The following BABAM2 variants were observed in gnomAD, a reference collection of about 807,000 sequenced individuals.
The protein encoded by BABAM2 is BRISC and BRCA1 A complex member 2, also known as BRISC and BRCA1-A complex member 2.
Under a neutral mutation model 54.7 loss-of-function variants are expected in BABAM2, and 31 were observed. The ratio of observed to expected loss-of-function variants is 0.57; its 90% CI spans 0.43 to 0.77. BABAM2 has a LOEUF of 0.77. Ranked by LOEUF, BABAM2 falls within the 30% of genes least tolerant of loss-of-function variation. The pLI, the probability that BABAM2 is intolerant of heterozygous loss-of-function variation, is 0.00. For missense variants in BABAM2, 364 were observed against 455.8 expected (o/e 0.80, Z 1.83); for synonymous variants, 167 against 162.9 (o/e 1.03, Z -0.19).
At position 28,237,189 on chromosome 2, in the gene BABAM2, C is replaced by A. The variant is rs768139109; in HGVS notation, c.681-13C>A. On this transcript the variant is annotated splice_polypyrimidine_tract_variant and intron_variant, in intron 7 of 11. Coordinates refer to ENST00000379624, the MANE Select transcript of BABAM2 (RefSeq NM_199191.3). ...CCCTAAGAGAAGTGTCCATTGTACTCTTGTCCTTTCAGTGCACTTGGAGGC... is the reference window on the plus strand; with the variant it reads ...CCCTAAGAGAAGTGTCCATTGTACTATTGTCCTTTCAGTGCACTTGGAGGC... 30 of 1,607,092 alleles carry A rather than the reference C, an allele frequency of 1.9e-5. No homozygotes were observed. The highest frequency in any genetic ancestry group is 2.3e-5 in the Non-Finnish European group (27 of 1,173,728).
rs115658256 is a variant in BABAM2 at position 28,289,341 on chromosome 2, A to G, written c.935-8997A>G. Among the ~76,000 whole-genome samples, 438 of 152,334 alleles carry G rather than the reference A, an allele frequency of 2.9e-3. 2 individuals carry two copies. Among genetic ancestry groups the G allele is most frequent in the African/African-American group, 9.8e-3 (409 of 41,562 alleles). ...ATCATACTGATTTCTGCGTCTGTGA[A>G]TATTAATGTCTTACTTTTTTAAACT... On this transcript the variant is annotated intron_variant, in intron 10 of 11. Coordinates refer to ENST00000379624, the MANE Select transcript of BABAM2 (RefSeq NM_199191.3).
chr2:28,148,975 T>C (rs771406884), intron 7 of BABAM2, among the ~76,000 whole-genome samples: 2 of 152,166 alleles, frequency 1.3e-5, no homozygotes, highest in Non-Finnish European at 2.9e-5. Flanking sequence ...AAACTGGGTG[T>C]GGGGCTTGTC....
Position 28,124,371 on chromosome 2 carries a change from T to G in BABAM2, c.571-4900T>G, listed in dbSNP as rs1215299785. Among the ~76,000 whole-genome samples the G allele has an allele frequency of 2.0e-5, 3 of 152,192 alleles. No homozygotes were observed. In the South Asian group the frequency reaches 6.2e-4, roughly 31 times the overall value. On this transcript the variant is annotated intron_variant, in intron 6 of 11. Transcript: ENST00000379624. ...TGAGTGTTTTTTACAATTTTCATTCTCATTTTACAGAAAAGAAAGTTCAAG... is the reference window on the plus strand; with the variant it reads ...TGAGTGTTTTTTACAATTTTCATTCGCATTTTACAGAAAAGAAAGTTCAAG...
rs149565616 is a variant in BABAM2 at position 28,307,877 on chromosome 2, T to C, written c.1088+9386T>C. ...CATCAGAGTGACCATATCCAGCCTA[T>C]AGGCAGAGGACATTGAAATTGGCAG... is the stretch of plus-strand genomic sequence containing the variant. On this transcript the variant is annotated intron_variant, in intron 11 of 11. Coordinates refer to ENST00000379624, the MANE Select transcript of BABAM2 (RefSeq NM_199191.3). The C allele has an allele frequency of 3.3e-5, 5 of 152,248 alleles. No homozygotes were observed. In the East Asian group the frequency reaches 9.7e-4, roughly 29 times the overall value. The allele number at this position is 152,248 out of a possible 1,614,324, so 9.4% of individuals were successfully genotyped here. A position where few individuals can be genotyped will look rare whatever the true frequency, so the allele number is the denominator to read the frequency against.
chr2:28,256,693 C>CTTTT lies in BABAM2; in HGVS notation c.934+11847_934+11850dup, dbSNP rs34881415. 1.8e-4 allele frequency among the ~76,000 whole-genome samples: 22 copies of CTTTT among 122,794 alleles called. 1 individual carries two copies. The highest frequency in any genetic ancestry group is 4.6e-4 in the East Asian group (2 of 4,360). 80.6% of individuals were successfully genotyped at this position (122,794 alleles called of 152,430 possible). On this transcript the variant is annotated intron_variant, in intron 10 of 11. Coordinates refer to ENST00000379624, the MANE Select transcript of BABAM2 (RefSeq NM_199191.3). ...TTTCATATGTTTGGATGGCTCACTTCTTTTTTTTTTTTTTTTTTTGAGATG... is the reference window on the plus strand; with the variant it reads ...TTTCATATGTTTGGATGGCTCACTTCTTTTTTTTTTTTTTTTTTTTTTTGAGATG...
At chr2:27,948,013 C>T (rs1669425206) in intron 3 of BABAM2, among the ~76,000 whole-genome samples, 1 of 152,036 alleles carries the variant, frequency 6.6e-6, no homozygotes, top group Non-Finnish European at 1.5e-5. Context: ...GTTTGGAAAT[C>T]AGGTGGTATA....
chr2:28,130,906 AT>A (rs1369052124), intron 7 of BABAM2, among the ~76,000 whole-genome samples: 4 of 151,210 alleles, frequency 2.6e-5, no homozygotes, highest in African/African-American at 9.7e-5. Context: ...CGCCCAGCTA[AT>A]TTTTTGTATT....
chr2:28,219,150 C>A (rs1444610483), intron 7 of BABAM2, among the ~76,000 whole-genome samples: 1 of 152,244 alleles, frequency 6.6e-6, no homozygotes, highest in Non-Finnish European at 1.5e-5. Context: ...GCATTCCTTT[C>A]TGGAGACTCT....
chr2:27,965,323 TA>T (rs1242923141), intron 3 of BABAM2, among the ~76,000 whole-genome samples: 2 of 152,320 alleles, frequency 1.3e-5, no homozygotes, highest in Non-Finnish European at 2.9e-5. Context: ...GAAAATCACT[TA>T]AAAATATTTT....
chr2:28,023,118 CTGGTTGGTA>C (rs1471914241), intron 4 of BABAM2, among the ~76,000 whole-genome samples: 4 of 152,080 alleles, frequency 2.6e-5, no homozygotes, highest in Non-Finnish European at 5.9e-5. Flanking sequence ...TGGAAGGAGA[CTGGTTGGTA>C]TGTCTTTAAC....
At chr2:28,067,291 ATAGT>A (rs1355526481) in intron 6 of BABAM2, among the ~76,000 whole-genome samples, 1 of 152,192 alleles carries the variant, frequency 6.6e-6, no homozygotes, top group Non-Finnish European at 1.5e-5. Context: ...AGATAGAAAG[ATAGT>A]TAGATACTCA....
rs886254506 is a variant in BABAM2, at chr2:28,133,433, A to C, written c.680+4053A>C. Among the ~76,000 whole-genome samples, 4 of 152,332 alleles carry C rather than the reference A, an allele frequency of 2.6e-5. No individual in the cohort carries two copies. The East Asian group carries it at 7.7e-4, about 29-fold the overall frequency. On this transcript the variant is annotated intron_variant, in intron 7 of 11. Transcript: ENST00000379624. Reference sequence around the variant, plus strand: ...CAACGTCAAACTCTTGCCCTAGCTGAGGCTTGTACTCCTTTTGGTTTCTGC... The same window carrying C: ...CAACGTCAAACTCTTGCCCTAGCTGCGGCTTGTACTCCTTTTGGTTTCTGC...
chr2:27,959,264 C>T (rs1350081335), intron 3 of BABAM2, among the ~76,000 whole-genome samples: 4 of 152,134 alleles, frequency 2.6e-5, no homozygotes, highest in Non-Finnish European at 5.9e-5. Context: ...GCCTAGGAAT[C>T]CTGCAAGTTT....
intron 7 of BABAM2, among the ~76,000 whole-genome samples, chr2:28,158,933 C>T (rs552548570): frequency 4.1e-4 from 63 of 152,268 alleles, no homozygotes; most frequent in African/African-American, 1.2e-3. Flanking sequence ...AGCTGTCTGG[C>T]GGCCTTGATT....
At chr2:28,058,252 G>A (rs991386895) in intron 6 of BABAM2, among the ~76,000 whole-genome samples, 36 of 152,226 alleles carry the variant, frequency 2.4e-4, no homozygotes, top group African/African-American at 7.5e-4. Flanking sequence ...TAGAACTTGT[G>A]TACAAAGTAG....
At chr2:28,277,433 A>C (rs1434639566) in intron 10 of BABAM2, among the ~76,000 whole-genome samples, 1 of 152,180 alleles carries the variant, frequency 6.6e-6, no homozygotes, top group Non-Finnish European at 1.5e-5. Flanking sequence ...ATATATGGAA[A>C]GTGGTCCCTT....
chr2:28,244,345 G>C (rs1573918681), intron 9 of BABAM2, among the ~76,000 whole-genome samples: 1 of 152,146 alleles, frequency 6.6e-6, no homozygotes, highest in Admixed American at 6.5e-5. Context: ...TCACTGTACA[G>C]GTAGTATGCT....
intron 11 of BABAM2, among the ~76,000 whole-genome samples, chr2:28,312,989 C>T (rs1000599507): frequency 1.8e-4 from 28 of 152,244 alleles, no homozygotes; most frequent in South Asian, 4.1e-4. Context: ...CTCTGACCTC[C>T]TACGTTTCCC....
rs995170027 is a variant in BABAM2, at chr2:28,330,121, A to G, written c.1089-8329A>G. ...AATAGATGCAGAAAAGGCCTTCAATAAAATTCAACATTCCTTCATGTTAAA... is the reference window on the plus strand; with the variant it reads ...AATAGATGCAGAAAAGGCCTTCAATGAAATTCAACATTCCTTCATGTTAAA... On this transcript the variant is annotated intron_variant, in intron 11 of 11. Coordinates refer to ENST00000379624, the MANE Select transcript of BABAM2 (RefSeq NM_199191.3). Among the ~76,000 whole-genome samples the G allele has an allele frequency of 2.0e-5, 3 of 152,332 alleles. No individual in the cohort carries two copies. The East Asian group carries it at 5.8e-4, about 29-fold the overall frequency.
Sources: gnomAD v4.1 joint callset for allele counts (sites outside exome capture counted in the v4.1 genomes callset) on GRCh38, gnomAD v4.1.1 for gene constraint, MANE v1.5 for transcripts, NCBI Gene and HGNC (gene_info 2026-07-23, HGNC 2026-07-21) for gene names.